The following XKR9 variants were observed in gnomAD, a reference collection of about 807,000 sequenced individuals.
The protein encoded by XKR9 is XK related 9.
Under a neutral mutation model 32.0 loss-of-function variants are expected in XKR9, and 32 were observed. The ratio of observed to expected loss-of-function variants is 1.00; its 90% CI spans 0.76 to 1.34. The LOEUF (loss-of-function observed/expected upper bound fraction) is 1.34, where lower values mean the gene tolerates loss of function less well. XKR9 is among the 40% of genes most tolerant of loss of function. XKR9 has a pLI of 0.00. For missense variants in XKR9, 546 were observed against 429.7 expected, an observed-to-expected ratio of 1.27 and a Z score of -2.39; for synonymous variants, 168 against 143.4, an observed-to-expected ratio of 1.17 and a Z score of -1.22.
the XKR9 span, among the ~76,000 whole-genome samples, chr8:70,901,628 G>T: frequency 1.3e-5 from 2 of 152,102 alleles, no homozygotes; most frequent in Non-Finnish European, 2.9e-5. Context: ...CACTCTGATG[G>T]TAGTTTCTTT....
At chr8:70,958,196 T>G in the XKR9 span, among the ~76,000 whole-genome samples, 1 of 152,326 alleles carries the variant, frequency 6.6e-6, no homozygotes, top group African/African-American at 2.4e-5. Context: ...GAATGATTTC[T>G]ATTCCTTTGA....
the XKR9 span, among the ~76,000 whole-genome samples, chr8:70,994,681 T>C: frequency 1.3e-5 from 2 of 152,066 alleles, no homozygotes. Flanking sequence ...TTCCATTATG[T>C]TCTCTCTATT....
At chr8:70,796,867 A>G in the XKR9 span, among the ~76,000 whole-genome samples, 3 of 152,216 alleles carry the variant, frequency 2.0e-5, no homozygotes, top group African/African-American at 4.8e-5. Context: ...AACATATATT[A>G]TGCCTTTAGG....
At chr8:71,064,826 T>C in the XKR9 span, among the ~76,000 whole-genome samples, 3 of 152,178 alleles carry the variant, frequency 2.0e-5, no homozygotes, top group Admixed American at 6.5e-5. Context: ...TAGACTTTCA[T>C]AGAAGGTCTC....
chr8:70,912,900 A>G, the XKR9 span, among the ~76,000 whole-genome samples: 1 of 152,246 alleles, frequency 6.6e-6, no homozygotes, highest in South Asian at 2.1e-4. Flanking sequence ...GTAATTAAAC[A>G]GCAAAGATCA....
chr8:70,979,776 C>G, the XKR9 span, among the ~76,000 whole-genome samples: 1 of 152,168 alleles, frequency 6.6e-6, no homozygotes, highest in Non-Finnish European at 1.5e-5. Flanking sequence ...CTGGGAGAAC[C>G]ACTGCTGTCT....
At chr8:70,891,172 C>T in the XKR9 span, among the ~76,000 whole-genome samples, 7 of 151,236 alleles carry the variant, frequency 4.6e-5, no homozygotes, top group Non-Finnish European at 8.9e-5. Flanking sequence ...TTTATTCAGG[C>T]CTTTTGTCTT....
chr8:70,876,400 C>T, the XKR9 span, among the ~76,000 whole-genome samples: 11 of 151,874 alleles, frequency 7.2e-5, no homozygotes, highest in Admixed American at 2.0e-4. Context: ...TTAGTAGAGA[C>T]GGGGTTTCAC....
chr8:70,837,405 T>C, the XKR9 span, among the ~76,000 whole-genome samples: 1 of 152,084 alleles, frequency 6.6e-6, no homozygotes, highest in East Asian at 1.9e-4. Context: ...GGAAACCCTA[T>C]AAACATTTGC....
At chr8:70,995,403 A>C in the XKR9 span, among the ~76,000 whole-genome samples, 1 of 152,214 alleles carries the variant, frequency 6.6e-6, no homozygotes, top group Admixed American at 6.5e-5. Context: ...GACATATGGC[A>C]TATGGCCCCA....
intron 2 of XKR9, among the ~76,000 whole-genome samples, chr8:70,775,580 T>C (rs1807507177): frequency 6.6e-6 from 1 of 152,192 alleles, no homozygotes; most frequent in African/African-American, 2.4e-5. Context: ...CTTTTTAATT[T>C]GGTTAGTATG....
chr8:70,936,395 G>A, the XKR9 span, among the ~76,000 whole-genome samples: 1 of 152,026 alleles, frequency 6.6e-6, no homozygotes, highest in Non-Finnish European at 1.5e-5. Context: ...CCCAGGCAGA[G>A]GGATGCTTGG....
chr8:70,900,479 C>T, the XKR9 span, among the ~76,000 whole-genome samples: 1 of 151,932 alleles, frequency 6.6e-6, no homozygotes, highest in Non-Finnish European at 1.5e-5. Flanking sequence ...ATCCCAGCCA[C>T]TCGGGAGTCT....
chr8:70,967,130 T>A, the XKR9 span, among the ~76,000 whole-genome samples: 1 of 146,580 alleles, frequency 6.8e-6, no homozygotes, highest in African/African-American at 2.5e-5. Context: ...TGGTGCGATC[T>A]TGGCTCACTG....
At chr8:70,925,540 A>C in the XKR9 span, among the ~76,000 whole-genome samples, 1 of 152,228 alleles carries the variant, frequency 6.6e-6, no homozygotes, top group Non-Finnish European at 1.5e-5. Flanking sequence ...TTATGAAATT[A>C]ATCTTTATTC....
At chr8:70,914,995 T>G in the XKR9 span, among the ~76,000 whole-genome samples, 1 of 152,100 alleles carries the variant, frequency 6.6e-6, no homozygotes, top group Non-Finnish European at 1.5e-5. Flanking sequence ...AAGGTTGGGT[T>G]TTTCAAGGAT....
chr8:70,785,749 A>C (rs1353251741), intron 2 of XKR9, among the ~76,000 whole-genome samples: 4 of 147,576 alleles, frequency 2.7e-5, no homozygotes, highest in Non-Finnish European at 6.0e-5. Context: ...CTATATATAT[A>C]TATATATGTA....
downstream of XKR9, among the ~76,000 whole-genome samples, chr8:70,740,530 G>A (rs1806952909): frequency 6.6e-6 from 1 of 152,116 alleles, no homozygotes; most frequent in Non-Finnish European, 1.5e-5. Context: ...TTCCTTTGGA[G>A]GAGAGGTGCT....
At position 70,693,343 on chromosome 8, in the gene XKR9, G is replaced by T. The variant is rs192961767; in HGVS notation, c.272+12013G>T. 6.6e-5 allele frequency among the ~76,000 whole-genome samples: 10 copies of T among 152,208 alleles called. No homozygotes were observed. The East Asian group carries it at 1.2e-3, about 18-fold the overall frequency. Reference sequence around the variant, plus strand: ...TATTTTTGCTGTTGAAGCTTTGGGGGTATGATCCAGCAGATGACATTTAGG... The same window carrying T: ...TATTTTTGCTGTTGAAGCTTTGGGGTTATGATCCAGCAGATGACATTTAGG... On this transcript the variant is annotated intron_variant, in intron 3 of 4. Coordinates refer to ENST00000408926, the MANE Select transcript of XKR9 (RefSeq NM_001011720.2).
Sources: gnomAD v4.1 joint callset for allele counts (sites outside exome capture counted in the v4.1 genomes callset) on GRCh38, gnomAD v4.1.1 for gene constraint, MANE v1.5 for transcripts, NCBI Gene and HGNC (gene_info 2026-07-23, HGNC 2026-07-21) for gene names.